The following BCAS3 variants were observed in gnomAD, a reference collection of about 807,000 sequenced individuals.
The protein encoded by BCAS3 is BCAS4/BCAS3 fusion.
Under a neutral mutation model 116.1 loss-of-function variants are expected in BCAS3, and 53 were observed. The ratio of observed to expected loss-of-function variants is 0.46; its 90% CI spans 0.37 to 0.57. The LOEUF is 0.57. Among genes scored for constraint, BCAS3 ranks in the 20% least tolerant of loss-of-function variants. The pLI is 0.00. For synonymous variants in BCAS3, 391 were observed against 408.2 expected, an observed-to-expected ratio of 0.96 and a Z score of 0.51; for missense variants, 917 against 1,165.4, an observed-to-expected ratio of 0.79 and a Z score of 3.10.
Position 61,211,457 on chromosome 17 carries a change from C to T in BCAS3, c.2425+126893C>T, listed in dbSNP as rs1274583386. Among the ~76,000 whole-genome samples the T allele has an allele frequency of 6.6e-6, 1 of 152,124 alleles. No homozygotes were observed. The highest frequency in any genetic ancestry group is 1.5e-5 in the Non-Finnish European group (1 of 68,026). ...TTTGAGCCCTTTTGAGTTGACCTCC[C>T]TTGGATGAGTAGCTCTTTGAAAGCT... On this transcript the variant is annotated intron_variant, in intron 22 of 23. Coordinates refer to ENST00000407086, the MANE Select transcript of BCAS3 (RefSeq NM_017679.5). This position sits in a 1 kb window ranked among gnomAD's most constrained non-coding sequence, Gnocchi z 4.4.
chr17:61,129,471 C>T (rs889479641), intron 22 of BCAS3, among the ~76,000 whole-genome samples: 6 of 152,172 alleles, frequency 3.9e-5, no homozygotes, highest in African/African-American at 1.2e-4. Flanking sequence ...GTAAGATGGA[C>T]GTTTTATAAT....
chr17:61,235,012 C>G lies in BCAS3; in HGVS notation c.2426-133315C>G, dbSNP rs60746987. Among the ~76,000 whole-genome samples the G allele has an allele frequency of 6.6e-6, 1 of 152,098 alleles. No individual in the cohort carries two copies. The highest frequency in any genetic ancestry group is 1.5e-5 in the Non-Finnish European group (1 of 68,018). On this transcript the variant is annotated intron_variant, in intron 22 of 23. Coordinates refer to ENST00000407086, the MANE Select transcript of BCAS3 (RefSeq NM_017679.5). This position sits in a 1 kb window ranked among gnomAD's most constrained non-coding sequence, Gnocchi z 5.0. Reference sequence around the variant, plus strand: ...AAGCAATTCTCCTTCCTCAGCCTCCCGAGTAGCTGGGACTATAGGCGCACG... The same window carrying G: ...AAGCAATTCTCCTTCCTCAGCCTCCGGAGTAGCTGGGACTATAGGCGCACG...
intron 14 of BCAS3, chr17:60,986,796 C>T (rs2145419657): frequency 6.6e-6 from 1 of 151,964 alleles, no homozygotes; most frequent in East Asian, 1.9e-4. Flanking sequence ...ATCACTTTGT[C>T]GATTGTTTCC....
chr17:61,185,108 A>G (rs911816317), intron 22 of BCAS3, among the ~76,000 whole-genome samples: 1 of 152,060 alleles, frequency 6.6e-6, no homozygotes, highest in Admixed American at 6.5e-5. Context: ...AAGCCCTTAC[A>G]AAGCTGGTTA....
chr17:61,280,222 C>T (rs898529632), intron 22 of BCAS3, among the ~76,000 whole-genome samples: 1 of 152,204 alleles, frequency 6.6e-6, no homozygotes, highest in African/African-American at 2.4e-5. Context: ...TATCTCCTCA[C>T]TCATGGCTCA....
chr17:61,274,911 T>G (rs2050639222), intron 22 of BCAS3, among the ~76,000 whole-genome samples: 1 of 152,186 alleles, frequency 6.6e-6, no homozygotes, highest in South Asian at 2.1e-4. Flanking sequence ...CAGGCTGGAG[T>G]GCAGTAGTGC....
rs1164508816 is a variant in BCAS3 at position 61,065,896 on chromosome 17, T to C, written c.2030-9024T>C. 6.6e-6 allele frequency among the ~76,000 whole-genome samples: 1 copy of C among 152,206 alleles called. No individual in the cohort carries two copies. Among genetic ancestry groups the C allele is most frequent in the Non-Finnish European group, 1.5e-5 (1 of 68,024 alleles). ...ATTTATAATTAAACTTACAAATGCA[T>C]TTAATCTTCATTTATAGATCAGTGT... On this transcript the variant is annotated intron_variant, in intron 19 of 23. Coordinates refer to ENST00000407086, the MANE Select transcript of BCAS3 (RefSeq NM_017679.5). This position sits in a 1 kb window ranked among gnomAD's most constrained non-coding sequence, Gnocchi z 4.8.
Position 61,124,810 on chromosome 17 carries a change from G to GT in BCAS3, c.2425+40248dup, listed in dbSNP as rs952387719. 6.6e-6 allele frequency among the ~76,000 whole-genome samples: 1 copy of GT among 152,206 alleles called. No homozygotes were observed. The highest frequency in any genetic ancestry group is 1.5e-5 in the Non-Finnish European group (1 of 68,028). ...CTGTATGGTACAGATGATTTTCTGT[G>GT]TTAGAAGATGCTATCGGCTCACCTG... On this transcript the variant is annotated intron_variant, in intron 22 of 23. Transcript: ENST00000407086. This position sits in a 1 kb window ranked among gnomAD's most constrained non-coding sequence, Gnocchi z 4.6.
chr17:60,728,505 A>C (rs1322894334), intron 5 of BCAS3, among the ~76,000 whole-genome samples: 1 of 151,928 alleles, frequency 6.6e-6, no homozygotes, highest in Non-Finnish European at 1.5e-5. Flanking sequence ...TTTGAGATGG[A>C]GTCTCACTTT....
At chr17:60,771,762 C>T (rs992977716) in intron 6 of BCAS3, among the ~76,000 whole-genome samples, 11 of 152,132 alleles carry the variant, frequency 7.2e-5, no homozygotes, top group South Asian at 2.1e-4. Context: ...TCCAAGTGTT[C>T]TCATTGTTCA....
chr17:60,993,539 C>T lies in BCAS3; in HGVS notation c.1486+3304C>T, dbSNP rs1333130367. Among the ~76,000 whole-genome samples the T allele has an allele frequency of 6.6e-6, 1 of 152,144 alleles. No individual in the cohort carries two copies. The highest frequency in any genetic ancestry group is 1.5e-5 in the Non-Finnish European group (1 of 67,990). On this transcript the variant is annotated intron_variant, in intron 15 of 23. Transcript: ENST00000407086. The surrounding 1 kb of genome is among the most constrained non-coding windows in gnomAD (Gnocchi z 4.2). Reference sequence around the variant, plus strand: ...GTCTATTACTCTGTGTAGTTTTTCTCATTTTTGAAGCATGGACTTTAGAGT... The same window carrying T: ...GTCTATTACTCTGTGTAGTTTTTCTTATTTTTGAAGCATGGACTTTAGAGT...
At chr17:60,806,949 A>G (rs2048337737) in intron 6 of BCAS3, among the ~76,000 whole-genome samples, 1 of 152,012 alleles carries the variant, frequency 6.6e-6, no homozygotes, top group Admixed American at 6.5e-5. Context: ...TATTATGTGG[A>G]CTTAGGACTT....
chr17:60,738,523 CCTT>C (rs2041206760), intron 5 of BCAS3, among the ~76,000 whole-genome samples: 1 of 152,122 alleles, frequency 6.6e-6, no homozygotes, highest in African/African-American at 2.4e-5. Flanking sequence ...GCTGTGGTTG[CCTT>C]CTTTTGATTA....
Position 61,343,867 on chromosome 17 carries a change from G to A in BCAS3, c.2426-24460G>A, listed in dbSNP as rs541262159. 5.3e-5 allele frequency among the ~76,000 whole-genome samples: 8 copies of A among 152,320 alleles called. No homozygotes were observed. The highest frequency in any genetic ancestry group is 1.9e-4 in the East Asian group (1 of 5,184). ...AGTTCTGCTCTGCAGCCCCCATGGC[G>A]ACACCCTCTCTCTTTGGACCACCTC... On this transcript the variant is annotated intron_variant, in intron 22 of 23. Transcript: ENST00000407086. The surrounding 1 kb of genome is among the most constrained non-coding windows in gnomAD (Gnocchi z 5.5).
At chr17:60,692,871 G>C (rs2035044213) in intron 4 of BCAS3, among the ~76,000 whole-genome samples, 1 of 151,618 alleles carries the variant, frequency 6.6e-6, no homozygotes, top group Non-Finnish European at 1.5e-5. Context: ...CTCCAGCCTG[G>C]GCGACAGAGA....
Position 61,265,697 on chromosome 17 carries a change from T to TCC in BCAS3, c.2426-102630_2426-102629insCC, listed in dbSNP as rs1568702881. Among the ~76,000 whole-genome samples the TCC allele has an allele frequency of 2.6e-4, 21 of 80,932 alleles. No individual in the cohort carries two copies. Among genetic ancestry groups the TCC allele is most frequent in the Non-Finnish European group, 4.4e-4 (14 of 32,000 alleles). 53.1% of individuals were successfully genotyped at this position (80,932 alleles called of 152,430 possible). A position where few individuals can be genotyped will look rare whatever the true frequency, so the allele number is the denominator to read the frequency against. On this transcript the variant is annotated intron_variant, in intron 22 of 23. Transcript: ENST00000407086. This position sits in a 1 kb window ranked among gnomAD's most constrained non-coding sequence, Gnocchi z 4.3. ...AACTATGTAACACCATCATTCTTTT[T>TCC]TCCCCCCCATCAAGTAGTATATCTG...
chr17:61,155,170 T>A (rs1210720450), intron 22 of BCAS3, among the ~76,000 whole-genome samples: 1 of 152,200 alleles, frequency 6.6e-6, no homozygotes, highest in East Asian at 1.9e-4. Context: ...GATTTTTTTT[T>A]AAGTTTCTTC....
chr17:61,061,519 T>G (rs763803825), intron 19 of BCAS3, among the ~76,000 whole-genome samples: 2 of 152,230 alleles, frequency 1.3e-5, no homozygotes, highest in African/African-American at 4.8e-5. Context: ...TTTCAATCAC[T>G]GTCCTATTGC....
At chr17:61,299,505 A>G (rs907178985) in intron 22 of BCAS3, among the ~76,000 whole-genome samples, 15 of 151,952 alleles carry the variant, frequency 9.9e-5, no homozygotes, top group Non-Finnish European at 1.9e-4. Flanking sequence ...AACTTGGGAT[A>G]AGGCGTTTAA....
Sources: allele counts gnomAD v4.1 joint callset (sites outside exome capture counted in the v4.1 genomes callset), GRCh38; gene constraint gnomAD v4.1.1; non-coding constraint Gnocchi (gnomAD v3.1); transcripts MANE v1.5; gene names NCBI Gene and HGNC (gene_info 2026-07-23, HGNC 2026-07-21).